Variants in DOCK5 observed in about 807,000 individuals in gnomAD.
The protein encoded by DOCK5 is dedicator of cytokinesis protein 5.
A neutral mutation model predicts 251.8 loss-of-function variants in DOCK5; 142 were observed. That is an observed-to-expected ratio of 0.56 (90% CI 0.49 to 0.65). The LOEUF (loss-of-function observed/expected upper bound fraction) is 0.65, where lower values mean the gene tolerates loss of function less well. Ranked by LOEUF, DOCK5 falls within the 30% of genes least tolerant of loss-of-function variation. DOCK5 has a pLI of 0.00. For missense variants in DOCK5, 2,111 were observed against 2,312.3 expected, an observed-to-expected ratio of 0.91 and a Z score of 1.79; for synonymous variants, 842 against 835.5, an observed-to-expected ratio of 1.01 and a Z score of -0.13.
intron 38 of DOCK5, among the ~76,000 whole-genome samples, chr8:25,378,760 G>T (rs1285654950): frequency 1.4e-4 from 21 of 152,176 alleles, no homozygotes. Context: ...TCAGTGCCCT[G>T]CATTGAAATA....
Position 25,325,442 on chromosome 8 carries a change from C to T in DOCK5, c.1798C>T (p.Leu600Phe). The T allele has an allele frequency of 6.2e-7, 1 of 1,613,956 alleles. No homozygotes were observed. Among genetic ancestry groups the T allele is most frequent in the Non-Finnish European group, 8.5e-7 (1 of 1,179,878 alleles). Residue 600 changes from leucine to phenylalanine, a missense_variant, in exon 18 of 52, where the codon CTT (leucine) becomes TTT (phenylalanine). Physicochemically the swap from Leu to Phe is conservative, Grantham distance 22. Coordinates refer to ENST00000276440, the MANE Select transcript of DOCK5 (RefSeq NM_024940.8). ...CAAGATGGAGATGGAAGAAAAAGAG[C>T]TTCAAGCATCCAAAAACCTGGTCAC... ...GTKMEMEEKE[L>F]QASKNLVTFT... is the part of the protein sequence containing the mutation.
chr8:25,205,742 A>T (rs1177024632), intron 1 of DOCK5, among the ~76,000 whole-genome samples: 2 of 152,140 alleles, frequency 1.3e-5, no homozygotes, highest in Non-Finnish European at 2.9e-5. Context: ...TAGGTGTGGG[A>T]AGGGGAGAGA....
chr8:25,262,911 C>T (rs1036970331), intron 2 of DOCK5, among the ~76,000 whole-genome samples: 1 of 149,678 alleles, frequency 6.7e-6, no homozygotes, highest in Non-Finnish European at 1.5e-5. Flanking sequence ...CCCCCACCTC[C>T]AGGTTCAAGT....
chr8:25,368,985 A>C (rs1800826664), intron 33 of DOCK5, among the ~76,000 whole-genome samples: 1 of 152,244 alleles, frequency 6.6e-6, no homozygotes, highest in South Asian at 2.1e-4. Flanking sequence ...AACTTCATGC[A>C]TTTTAATCCT....
intron 38 of DOCK5, among the ~76,000 whole-genome samples, chr8:25,378,452 A>T (rs1487617677): frequency 6.6e-6 from 1 of 152,192 alleles, no homozygotes; most frequent in Non-Finnish European, 1.5e-5. Flanking sequence ...GCAAACAATG[A>T]TTTTAAAAGA....
intron 48 of DOCK5, 100 bp from the exon 49 acceptor site, chr8:25,407,883 A>T (rs1801550380): frequency 9.7e-7 from 1 of 1,032,878 alleles, no homozygotes; most frequent in Non-Finnish European, 1.3e-6. Flanking sequence ...AAAAAAAAAA[A>T]AAATAGCCTA....
At chr8:25,189,083 C>T (rs1452425500) in intron 1 of DOCK5, among the ~76,000 whole-genome samples, 41 of 146,194 alleles carry the variant, frequency 2.8e-4, no homozygotes, top group Non-Finnish European at 3.3e-4. Context: ...GGGCCTCACT[C>T]CACAGCCCAG....
At chr8:25,321,862 A>G (rs1445099752) in intron 16 of DOCK5, among the ~76,000 whole-genome samples, 1 of 152,176 alleles carries the variant, frequency 6.6e-6, no homozygotes, top group Non-Finnish European at 1.5e-5. Context: ...GAAAGGCTAT[A>G]TATACATTGT....
chr8:25,186,456 G>C (rs1157317175), intron 1 of DOCK5, among the ~76,000 whole-genome samples: 2 of 150,952 alleles, frequency 1.3e-5, no homozygotes, highest in African/African-American at 2.4e-5. Flanking sequence ...CTCACTGCAA[G>C]CTCCACCTCT....
At chr8:25,291,467 G>A (rs1804484268) in intron 5 of DOCK5, among the ~76,000 whole-genome samples, 1 of 151,892 alleles carries the variant, frequency 6.6e-6, no homozygotes, top group African/African-American at 2.4e-5. Context: ...CAGATCACTT[G>A]AGGTCAGGAG....
At chr8:25,269,962 G>T (rs1803863592) in intron 3 of DOCK5, among the ~76,000 whole-genome samples, 1 of 152,156 alleles carries the variant, frequency 6.6e-6, no homozygotes, top group African/African-American at 2.4e-5. Context: ...ACGGGGCCCA[G>T]GAAAACACCT....
In DOCK5 at chr8:25,265,794, G is replaced by C. The variant is rs1000349828; in HGVS notation, c.128-3051G>C. Among the ~76,000 whole-genome samples the C allele has an allele frequency of 2.1e-4, 32 of 151,914 alleles. 1 individual carries two copies. The highest frequency in any genetic ancestry group is 7.5e-4 in the African/African-American group (31 of 41,194). On this transcript the variant is annotated intron_variant, in intron 2 of 51. Transcript: ENST00000276440. ...CAGGAGCCAGAGAGACATTTGGATA[G>C]GTGAAGTGAAATGGAGCAGATAAGA... is the stretch of plus-strand genomic sequence containing the variant.
chr8:25,341,636 C>G (rs377209689), intron 23 of DOCK5, 103 bp from the exon 24 acceptor site: 128 of 913,032 alleles, frequency 1.4e-4, no homozygotes, highest in Middle Eastern at 6.4e-4. Flanking sequence ...GTCCAGTTCC[C>G]TATATAAGTT....
At chr8:25,232,647 T>G (rs78120827) in intron 1 of DOCK5, among the ~76,000 whole-genome samples, 9 of 152,122 alleles carry the variant, frequency 5.9e-5, no homozygotes, top group Non-Finnish European at 1.3e-4. Context: ...TCTGGGGCCT[T>G]TTATAAGAGC....
chr8:25,374,469 C>A, intron 36 of DOCK5, 95 bp from the exon 37 acceptor site: 2 of 1,185,740 alleles, frequency 1.7e-6, no homozygotes, highest in Non-Finnish European at 2.4e-6. Flanking sequence ...CATACTGCAG[C>A]CTGGGCAATA....
intron 1 of DOCK5, 57 bp from the exon 2 acceptor site, chr8:25,243,616 AC>A: frequency 6.5e-7 from 1 of 1,534,092 alleles, no homozygotes; most frequent in Non-Finnish European, 8.9e-7. Context: ...GGCGTGAGCC[AC>A]CGTGCCCAGC....
chr8:25,318,237 G>A (rs761056130), intron 14 of DOCK5, among the ~76,000 whole-genome samples: 2 of 136,504 alleles, frequency 1.5e-5, no homozygotes, highest in Non-Finnish European at 3.1e-5. Flanking sequence ...ACAGGTGCTC[G>A]CCACCATGCT....
rs369031918 is a variant in DOCK5, at chr8:25,196,104, G to A, written c.43+11153G>A. On this transcript the variant is annotated intron_variant, in intron 1 of 51. Transcript: ENST00000276440. Reference sequence around the variant, plus strand: ...ATAAACTGCATAAGCAAAAGATTACGTGAATCCTGTGGGGTGGGTGAGGAC... The same window carrying A: ...ATAAACTGCATAAGCAAAAGATTACATGAATCCTGTGGGGTGGGTGAGGAC... 3.1e-3 allele frequency among the ~76,000 whole-genome samples: 474 copies of A among 152,330 alleles called. 3 individuals are homozygous for A. Among genetic ancestry groups the A allele is most frequent in the African/African-American group, 0.01 (436 of 41,578 alleles).
chr8:25,236,169 A>G (rs1267931788), intron 1 of DOCK5, among the ~76,000 whole-genome samples: 1 of 152,110 alleles, frequency 6.6e-6, no homozygotes, highest in Non-Finnish European at 1.5e-5. Context: ...CTATCTAGAA[A>G]ATGAAGTTAA....
Sources: allele counts gnomAD v4.1 joint callset (sites outside exome capture counted in the v4.1 genomes callset), GRCh38; gene constraint gnomAD v4.1.1; transcripts MANE v1.5; gene names NCBI Gene and HGNC (gene_info 2026-07-23, HGNC 2026-07-21).